Variants in SEC31A observed in about 807,000 individuals in gnomAD.
SEC31A encodes protein transport protein Sec31A.
SEC31A carries 70 observed loss-of-function variants against 151.0 expected under a neutral mutation model. That is an observed-to-expected ratio of 0.46 (90% CI 0.38 to 0.57). The LOEUF is 0.57. Among genes scored for constraint, SEC31A ranks in the 20% least tolerant of loss-of-function variants. SEC31A has a pLI of 0.00. For missense variants in SEC31A, 1,330 were observed against 1,471.2 expected (o/e 0.90, Z 1.57); for synonymous variants, 475 against 505.9 (o/e 0.94, Z 0.82).
At chr4:82,825,001 G>A (rs1459248434) in intron 24 of SEC31A, among the ~76,000 whole-genome samples, 5 of 152,168 alleles carry the variant, frequency 3.3e-5, no homozygotes, top group African/African-American at 4.8e-5. Context: ...ATAAAAACAA[G>A]GCACTGGAAA....
At chr4:82,857,902 A>G in intron 14 of SEC31A, 138 bp from the exon 15 acceptor site, 1 of 564,022 alleles carries the variant, frequency 1.8e-6, no homozygotes, top group Non-Finnish European at 3.2e-6. Flanking sequence ...CTCAGATCCA[A>G]ATTTACAACT....
intron 1 of SEC31A, chr4:82,890,733 C>A (rs1037690058): frequency 8.9e-7 from 1 of 1,120,304 alleles, no homozygotes; most frequent in Middle Eastern, 3.8e-4. Flanking sequence ...TTCCTCTCCT[C>A]ACCCTCGGGG....
intron 22 of SEC31A, among the ~76,000 whole-genome samples, chr4:82,841,148 A>G (rs932307852): frequency 1.3e-5 from 2 of 151,976 alleles, no homozygotes; most frequent in African/African-American, 4.8e-5. Context: ...TTATGGCCAG[A>G]TGCAGTGGCT....
intron 24 of SEC31A, among the ~76,000 whole-genome samples, chr4:82,826,604 C>T (rs539953116): frequency 5.9e-5 from 9 of 152,352 alleles, no homozygotes; most frequent in Middle Eastern, 3.4e-3. Flanking sequence ...CCACCCGCCT[C>T]GGCTTCCCAA....
chr4:82,826,646 C>T (rs1724657060), intron 24 of SEC31A, among the ~76,000 whole-genome samples: 1 of 152,256 alleles, frequency 6.6e-6, no homozygotes, highest in Non-Finnish European at 1.5e-5. Context: ...AGCCACTGCA[C>T]CCGGCTTCAG....
At chr4:82,824,703 G>T (rs781330915) in intron 24 of SEC31A, 29 bp from the exon 25 acceptor site, 11 of 1,605,912 alleles carry the variant, frequency 6.8e-6, no homozygotes, top group Non-Finnish European at 4.2e-6. Flanking sequence ...AAACTGATCA[G>T]AAATGACCAG....
chr4:82,849,560 G>C (rs946998666), intron 19 of SEC31A, among the ~76,000 whole-genome samples: 2 of 142,918 alleles, frequency 1.4e-5, no homozygotes, highest in African/African-American at 5.2e-5. Flanking sequence ...CTTGCAGTGA[G>C]CTGAGAACAT....
intron 14 of SEC31A, among the ~76,000 whole-genome samples, chr4:82,860,658 A>T (rs1733927556): frequency 7.3e-6 from 1 of 137,822 alleles, no homozygotes; most frequent in South Asian, 2.3e-4. Context: ...TTTTTTTTTT[A>T]GAGATAGGGT....
intron 19 of SEC31A, 118 bp from the exon 20 acceptor site, chr4:82,849,095 T>C: frequency 1.1e-6 from 1 of 869,752 alleles, no homozygotes. Flanking sequence ...TAATGCTGGG[T>C]ATTATACAAT....
Position 82,878,813 on chromosome 4 carries a change from T to C in SEC31A, c.319A>G (p.Ile107Val). ...NIILYDPSKI[I>V]AGDKEVVIAQ... is the part of the protein sequence containing the mutation. The stretch of plus-strand genomic sequence containing the variant: ...ATCACAACTTCCTTGTCTCCAGCTA[T>C]AATTTTAGAAGGATCATAGAGAATA... The change falls in exon 4 of 27, where the codon ATA becomes GTA. Residue 107 changes from isoleucine to valine, a missense_variant. By Grantham distance (29) the Ile-to-Val change is conservative (BLOSUM62 3). Coordinates refer to ENST00000395310, the MANE Select transcript of SEC31A (RefSeq NM_001077207.4). 1.2e-6 allele frequency: 2 copies of C among 1,614,052 alleles called. No individual in the cohort carries two copies. The highest frequency in any genetic ancestry group is 2.2e-5 in the East Asian group (1 of 44,872).
chr4:82,862,829 T>C (rs1335173387), intron 12 of SEC31A, among the ~76,000 whole-genome samples: 2 of 152,236 alleles, frequency 1.3e-5, no homozygotes, highest in Non-Finnish European at 2.9e-5. Context: ...AAAACTTTCA[T>C]ATCAATCTCT....
intron 20 of SEC31A, among the ~76,000 whole-genome samples, chr4:82,848,571 A>C (rs957198773): frequency 1.3e-5 from 2 of 152,228 alleles, no homozygotes; most frequent in Non-Finnish European, 2.9e-5. Context: ...ATCTCCCTAG[A>C]GAACTTAAAA....
intron 20 of SEC31A, among the ~76,000 whole-genome samples, chr4:82,847,537 A>T (rs1427916131): frequency 1.3e-5 from 2 of 152,182 alleles, no homozygotes; most frequent in African/African-American, 4.8e-5. Context: ...TCAGTACCTG[A>T]CAGGTAGCTT....
At position 82,891,109 on chromosome 4, in the gene SEC31A, C is replaced by T. The variant is rs1301719926; in HGVS notation, c.-26G>A. 7 of 1,535,984 alleles carry T rather than the reference C, an allele frequency of 4.6e-6. No individual in the cohort carries two copies. The highest frequency in any genetic ancestry group is 4.9e-5 in the East Asian group (2 of 40,902). On this transcript the variant is annotated 5_prime_UTR_variant, in exon 1 of 27. Transcript: ENST00000395310. ...GCACCTGGCGAGGACCTTCGGCAGCCGGATCCTGCGTTAGTGCAGCGCTCG... is the reference window on the plus strand; with the variant it reads ...GCACCTGGCGAGGACCTTCGGCAGCTGGATCCTGCGTTAGTGCAGCGCTCG...
rs1724935039 is a variant in SEC31A at position 82,827,747 on chromosome 4, A to G, written c.3028-115T>C. On this transcript the variant is annotated intron_variant, in intron 23 of 26. Coordinates refer to ENST00000395310, the MANE Select transcript of SEC31A (RefSeq NM_001077207.4). ...ACCACGGCTAAACAAATTTTTTAAT[A>G]GTAGTAGAATACTTTTTTCAAATGA... 5 of 951,312 alleles carry G rather than the reference A, an allele frequency of 5.3e-6. No individual in the cohort carries two copies. The Admixed American group carries it at 1.2e-4, about 23-fold the overall frequency. 58.9% of individuals were successfully genotyped at this position (951,312 alleles called of 1,614,324 possible).
chr4:82,898,618 C>CTGG, intron 3 of SEC31A, among the ~76,000 whole-genome samples: 1 of 152,334 alleles, frequency 6.6e-6, no homozygotes, highest in African/African-American at 2.4e-5. Context: ...AGATGATGAA[C>CTGG]TGGCAGCAGT....
At chr4:82,895,672 T>C (rs1720032320), upstream of SEC31A, 2 of 152,222 alleles carry the variant, frequency 1.3e-5, no homozygotes, top group Admixed American at 1.3e-4. Context: ...TTTATCAAAA[T>C]AAATGTGTAA....
rs547258618 is a variant in SEC31A, at chr4:82,823,385, C to T, written c.3411+1170G>A. On this transcript the variant is annotated intron_variant, in intron 25 of 26. Coordinates refer to ENST00000395310, the MANE Select transcript of SEC31A (RefSeq NM_001077207.4). ...TCAGCTTCGTCTGCTCTCTTGTTTC[C>T]ACCTTGGTCTTCCCATCACTCCCAG... 1.8e-4 allele frequency among the ~76,000 whole-genome samples: 27 copies of T among 152,296 alleles called. 1 individual carries two copies. Among genetic ancestry groups the T allele is most frequent in the Admixed American group, 1.8e-3 (27 of 15,296 alleles).
chr4:82,858,715 T>C (rs1733339352), intron 14 of SEC31A, among the ~76,000 whole-genome samples: 1 of 151,108 alleles, frequency 6.6e-6, no homozygotes, highest in African/African-American at 2.4e-5. Context: ...TTTAATTTTA[T>C]TTTTTGAGAC....
Sources: gnomAD v4.1 joint callset for allele counts (sites outside exome capture counted in the v4.1 genomes callset) on GRCh38, gnomAD v4.1.1 for gene constraint, MANE v1.5 for transcripts, NCBI Gene and HGNC (gene_info 2026-07-23, HGNC 2026-07-21) for gene names.